SIGLEC15: variants seen among roughly 807,000 people sequenced by gnomAD.
The protein encoded by SIGLEC15 is sialic acid binding Ig like lectin 15.
Under a neutral mutation model 26.2 loss-of-function variants are expected in SIGLEC15, and 31 were observed. That is an observed-to-expected ratio of 1.18 (90% CI 0.89 to 1.60). The LOEUF is 1.60. SIGLEC15 is among the 40% of genes most tolerant of loss of function. SIGLEC15 has a pLI of 0.00. For synonymous variants in SIGLEC15, 207 were observed against 221.9 expected (o/e 0.93, Z 0.60); for missense variants, 501 against 488.4 (o/e 1.03, Z -0.24).
In SIGLEC15 at chr18:45,831,201, C is replaced by G. The variant is rs147754081; in HGVS notation, c.52+5421C>G. 8.0e-3 allele frequency among the ~76,000 whole-genome samples: 1,219 copies of G among 152,318 alleles called. 11 individuals are homozygous for G. Among genetic ancestry groups the G allele is most frequent in the African/African-American group, 0.026 (1,074 of 41,580 alleles). ...ATGGTGCCTCGGGCCGTCTCTGTGT[C>G]CACCTGCTACACTCGCCTGCTGCCG... is the stretch of plus-strand genomic sequence containing the variant. On this transcript the variant is annotated intron_variant, in intron 1 of 5. Transcript: ENST00000389474.
At chr18:45,841,275 CAG>C (rs2048322690) in intron 5 of SIGLEC15, among the ~76,000 whole-genome samples, 1 of 151,992 alleles carries the variant, frequency 6.6e-6, no homozygotes, top group South Asian at 2.1e-4. Flanking sequence ...GGTGGAGTTC[CAG>C]AGAGCAAGCC....
intron 1 of SIGLEC15, among the ~76,000 whole-genome samples, chr18:45,833,994 C>G (rs1048211873): frequency 6.6e-6 from 1 of 152,168 alleles, no homozygotes; most frequent in Non-Finnish European, 1.5e-5. Flanking sequence ...CTCCGCAGAG[C>G]ACTGTGTGCT....
intron 1 of SIGLEC15, among the ~76,000 whole-genome samples, chr18:45,830,312 C>G (rs937524322): frequency 1.3e-5 from 2 of 152,240 alleles, no homozygotes; most frequent in Non-Finnish European, 2.9e-5. Context: ...TCTGCCTACC[C>G]TGGCAACACA....
intron 1 of SIGLEC15, among the ~76,000 whole-genome samples, chr18:45,836,106 G>A (rs1001494565): frequency 3.3e-5 from 5 of 152,224 alleles, no homozygotes; most frequent in Admixed American, 2.6e-4. Flanking sequence ...GTCTGCCAGC[G>A]ATGGGTTAGG....
At position 45,837,818 on chromosome 18, in the gene SIGLEC15, T is replaced by C. The variant is rs1184562118; in HGVS notation, c.418T>C (p.Tyr140His). Residue 140 changes from tyrosine to histidine, a missense_variant, in exon 3 of 6, where the codon TAC becomes CAC. Physicochemically the swap from Tyr to His is moderately conservative, Grantham distance 83. Transcript: ENST00000389474. ...CCTCGCCCTGGCTGACGACCGCCGC[T>C]ACTTCTGCCGCGTCGAGTTCGCCGG... ...ERLALADDRR[Y>H]FCRVEFAGDV... The C allele has an allele frequency of 6.5e-7, 1 of 1,533,870 alleles. No homozygotes were observed. Among genetic ancestry groups the C allele is most frequent in the Admixed American group, 1.9e-5 (1 of 52,642 alleles).
At position 45,837,892 on chromosome 18, in the gene SIGLEC15, G is replaced by C. The variant is rs776186986; in HGVS notation, c.492G>C (p.Val164=). The part of the protein sequence containing the change: ...YESRHGVRLH[V]TAAPRIVNIS... ...GCCGCCACGGCGTCCGGCTGCACGTGACAGGCGAGGCGGCGTGGGAGCGGG... is the reference window on the plus strand; with the variant it reads ...GCCGCCACGGCGTCCGGCTGCACGTCACAGGCGAGGCGGCGTGGGAGCGGG... The change falls in exon 3 of 6, where the codon GTG becomes GTC. Residue 164 remains valine (V), a synonymous_variant. Transcript: ENST00000389474. 21 of 1,512,088 alleles carry C rather than the reference G, an allele frequency of 1.4e-5. No individual in the cohort carries two copies. The Admixed American group carries it at 4.4e-4, about 32-fold the overall frequency. 93.7% of individuals were successfully genotyped at this position (1,512,088 alleles called of 1,614,324 possible).
At chr18:45,829,144 A>G (rs2048211519) in intron 1 of SIGLEC15, 1 of 985,438 alleles carries the variant, frequency 1.0e-6, no homozygotes. Flanking sequence ...CAGGCCCCAC[A>G]GCAGGGTCAG....
chr18:45,841,915 G>A (rs1047280696), intron 5 of SIGLEC15, among the ~76,000 whole-genome samples, 191 bp from the exon 6 acceptor site: 13 of 152,140 alleles, frequency 8.5e-5, no homozygotes, highest in African/African-American at 3.1e-4. Flanking sequence ...GGGCTGCCCT[G>A]GCCTTTGGGG....
At chr18:45,834,502 G>C (rs1424032812) in intron 1 of SIGLEC15, among the ~76,000 whole-genome samples, 1 of 152,350 alleles carries the variant, frequency 6.6e-6, no homozygotes, top group East Asian at 1.9e-4. Context: ...GAAAGACTCA[G>C]TGGAACCCTG....
chr18:45,834,812 T>C (rs779018123), intron 1 of SIGLEC15, among the ~76,000 whole-genome samples: 2 of 152,176 alleles, frequency 1.3e-5, no homozygotes, highest in African/African-American at 2.4e-5. Flanking sequence ...CCTGGCTCTG[T>C]GATGCCTGCA....
At position 45,837,866 on chromosome 18, in the gene SIGLEC15, A is replaced by T. The variant is rs771198709; in HGVS notation, c.466A>T (p.Ser156Cys). 1.3e-6 allele frequency: 2 copies of T among 1,533,008 alleles called. No homozygotes were observed. Among genetic ancestry groups the T allele is most frequent in the South Asian group, 2.4e-5 (2 of 84,012 alleles). 95.0% of individuals were successfully genotyped at this position (1,533,008 alleles called of 1,614,324 possible). A position where few individuals can be genotyped will look rare whatever the true frequency, so the allele number is the denominator to read the frequency against. Reference sequence around the variant, plus strand: ...CGGCGACGTCCATGACCGCTACGAGAGCCGCCACGGCGTCCGGCTGCACGT... The same window carrying T: ...CGGCGACGTCCATGACCGCTACGAGTGCCGCCACGGCGTCCGGCTGCACGT... The part of the protein sequence containing the change: ...FAGDVHDRYE[S>C]RHGVRLHVTA... The change falls in exon 3 of 6, where the codon AGC becomes TGC. Residue 156 changes from serine to cysteine, a missense_variant. Ser to Cys is a moderately radical substitution (Grantham distance 112). Coordinates refer to ENST00000389474, the MANE Select transcript of SIGLEC15 (RefSeq NM_213602.3).
At chr18:45,826,342 CTTGGT>C (rs1397191735) in intron 1 of SIGLEC15, among the ~76,000 whole-genome samples, 11 of 152,112 alleles carry the variant, frequency 7.2e-5, no homozygotes, top group African/African-American at 2.7e-4. Flanking sequence ...AGCTCGGTGA[CTTGGT>C]ATCCTGGGAA....
intron 5 of SIGLEC15, 71 bp downstream of exon 5, chr18:45,840,312 CAGG>C (rs2048314897): frequency 2.0e-6 from 3 of 1,513,588 alleles, no homozygotes; most frequent in Middle Eastern, 1.7e-4. Context: ...GGGGTCCAGG[CAGG>C]AGAAGGAATA....
intron 1 of SIGLEC15, among the ~76,000 whole-genome samples, chr18:45,826,825 C>T (rs2048188536): frequency 6.6e-6 from 1 of 152,224 alleles, no homozygotes; most frequent in Admixed American, 6.5e-5. Context: ...TGGGCAGTAA[C>T]AGCAAACCTC....
At chr18:45,828,262 G>A (rs1459055405) in intron 1 of SIGLEC15, among the ~76,000 whole-genome samples, 2 of 152,152 alleles carry the variant, frequency 1.3e-5, no homozygotes, top group African/African-American at 4.8e-5. Context: ...GAGAAAAGTG[G>A]GAAGCATTTG....
At chr18:45,831,667 G>A (rs1359481826) in intron 1 of SIGLEC15, among the ~76,000 whole-genome samples, 1 of 152,086 alleles carries the variant, frequency 6.6e-6, no homozygotes, top group African/African-American at 2.4e-5. Flanking sequence ...TAAGGACAAG[G>A]ATTGGGCAAT....
chr18:45,829,729 A>G (rs975949673), intron 1 of SIGLEC15, among the ~76,000 whole-genome samples: 1 of 152,094 alleles, frequency 6.6e-6, no homozygotes, highest in African/African-American at 2.4e-5. Flanking sequence ...TCAGCTGGTA[A>G]TGTCAGCCAT....
Position 45,837,544 on chromosome 18 carries a change from GCCAC to G in SIGLEC15, c.147_150del (p.Pro50ArgfsTer2). ...CAGCGCAGCGCTGGTCCATGCAGGTGCCACCCGAGGTGAGCGCGGAGGCAGGCGA... is the reference window on the plus strand; with the variant it reads ...CAGCGCAGCGCTGGTCCATGCAGGTGCCGAGGTGAGCGCGGAGGCAGGCGA... On this transcript the variant is annotated frameshift_variant, in exon 3 of 6. Transcript: ENST00000389474. LOFTEE classifies it high-confidence loss of function. 1 of 1,517,182 alleles carries G rather than the reference GCCAC, an allele frequency of 6.6e-7. No homozygotes were observed. 94.0% of individuals were successfully genotyped at this position (1,517,182 alleles called of 1,614,324 possible).
At chr18:45,828,627 G>A (rs965822047) in intron 1 of SIGLEC15, among the ~76,000 whole-genome samples, 2 of 152,212 alleles carry the variant, frequency 1.3e-5, no homozygotes, top group African/African-American at 4.8e-5. Context: ...GCACAGCCTT[G>A]CAAGTGAGGC....
Sources: gnomAD v4.1 joint callset for allele counts (sites outside exome capture counted in the v4.1 genomes callset) on GRCh38, gnomAD v4.1.1 for gene constraint, MANE v1.5 for transcripts, NCBI Gene and HGNC (gene_info 2026-07-23, HGNC 2026-07-21) for gene names.